The following ACOT7 variants were observed in gnomAD, a reference collection of about 807,000 sequenced individuals.
ACOT7 encodes the protein acyl-CoA thioesterase 7.
ACOT7 carries 12 observed loss-of-function variants against 40.2 expected under a neutral mutation model. That is an observed-to-expected ratio of 0.30 (90% CI 0.19 to 0.48). The LOEUF is 0.48. ACOT7 is among the 20% of genes least tolerant of loss of function. ACOT7 has a pLI of 0.99. For missense variants in ACOT7, 395 were observed against 530.8 expected (o/e 0.74, Z 2.51); for synonymous variants, 228 against 219.5 (o/e 1.04, Z -0.34).
At chr1:6,280,394 T>C (rs1639320928) in intron 8 of ACOT7, among the ~76,000 whole-genome samples, 1 of 152,246 alleles carries the variant, frequency 6.6e-6, no homozygotes, top group Non-Finnish European at 1.5e-5. Context: ...GCGCGAACCC[T>C]GTCGATGTCT....
At chr1:6,356,113 G>C (rs929269984) in intron 1 of ACOT7, among the ~76,000 whole-genome samples, 1 of 152,210 alleles carries the variant, frequency 6.6e-6, no homozygotes, top group African/African-American at 2.4e-5. Context: ...CCGTGCCTTA[G>C]GAAGGGCCCT....
At chr1:6,292,889 C>CTTT (rs973103642) in intron 7 of ACOT7, among the ~76,000 whole-genome samples, 6 of 125,098 alleles carry the variant, frequency 4.8e-5, no homozygotes, top group Non-Finnish European at 6.7e-5. Flanking sequence ...ATTTCTTTTT[C>CTTT]TTTTTTTTTT....
intron 5 of ACOT7, 142 bp downstream of exon 5, chr1:6,327,156 AC>A: frequency 1.2e-6 from 1 of 810,796 alleles, no homozygotes; most frequent in South Asian, 1.7e-5. Context: ...CTCCCTGGGG[AC>A]CCCAGAGAAA....
intron 1 of ACOT7, among the ~76,000 whole-genome samples, chr1:6,391,251 C>A (rs940484960): frequency 6.6e-6 from 1 of 150,500 alleles, no homozygotes; most frequent in Non-Finnish European, 1.5e-5. Flanking sequence ...GTAATCCCAG[C>A]ACTTTGGGAG....
At chr1:6,335,327 CAAAAAAAAA>C (rs58439931) in intron 3 of ACOT7, among the ~76,000 whole-genome samples, 43 of 58,334 alleles carry the variant, frequency 7.4e-4, no homozygotes, top group African/African-American at 2.4e-3. Flanking sequence ...AACTCTGCCT[CAAAAAAAAA>C]AAAAAAAAAA....
chr1:6,303,170 G>T (rs572476590), intron 6 of ACOT7, among the ~76,000 whole-genome samples: 1 of 151,994 alleles, frequency 6.6e-6, no homozygotes. Flanking sequence ...TTCCCCCACC[G>T]CAGGCACAAC....
At chr1:6,377,577 G>A (rs903243817) in intron 1 of ACOT7, among the ~76,000 whole-genome samples, 2 of 152,092 alleles carry the variant, frequency 1.3e-5, no homozygotes, top group Non-Finnish European at 2.9e-5. Flanking sequence ...GCTTTTATAA[G>A]GTACAAGACA....
chr1:6,347,069 G>A (rs938856261), intron 2 of ACOT7, among the ~76,000 whole-genome samples: 1 of 152,124 alleles, frequency 6.6e-6, no homozygotes, highest in Non-Finnish European at 1.5e-5. Flanking sequence ...ACAGAACCTT[G>A]GGACTTCCAG....
intron 6 of ACOT7, among the ~76,000 whole-genome samples, chr1:6,308,622 CACAACAGGCAGAAGGAACA>C (rs767272376): frequency 0.074 from 10,977 of 148,538 alleles, 674 homozygotes; most frequent in African/African-American, 0.15. Context: ...CAGAGGGAAC[CACAACAGGCAGAAGGAACA>C]GCAACAGGCA....
Position 6,393,429 on chromosome 1 carries a change from G to T in ACOT7, c.-30C>A, listed in dbSNP as rs1271662911. 49 of 1,206,224 alleles carry T rather than the reference G, an allele frequency of 4.1e-5. No individual in the cohort carries two copies. Among genetic ancestry groups the T allele is most frequent in the Admixed American group, 4.7e-5 (1 of 21,134 alleles). The allele number at this position is 1,206,224 out of a possible 1,614,324, so 74.7% of individuals were successfully genotyped here. ...GGGGAGGGCAGAGGTGGAGCGATGGGGCTGGTGAGGCGGGGCCTGCGCGCC... is the reference window on the plus strand; with the variant it reads ...GGGGAGGGCAGAGGTGGAGCGATGGTGCTGGTGAGGCGGGGCCTGCGCGCC... On this transcript the variant is annotated 5_prime_UTR_variant, in exon 1 of 9. Coordinates refer to ENST00000361521, the MANE Select transcript of ACOT7 (RefSeq NM_007274.4).
In ACOT7 at chr1:6,338,319, A is replaced by G. The variant is rs1450960045; in HGVS notation, c.418+1114T>C. Reference sequence around the variant, plus strand: ...ATGGCAGGGAACCCCCAAGGCCCCTAAAGTGGGGAACCCACCCAGCCCTGA... The same window carrying G: ...ATGGCAGGGAACCCCCAAGGCCCCTGAAGTGGGGAACCCACCCAGCCCTGA... On this transcript the variant is annotated intron_variant, in intron 3 of 8. Coordinates refer to ENST00000361521, the MANE Select transcript of ACOT7 (RefSeq NM_007274.4). The surrounding 1 kb of genome is among the most constrained non-coding windows in gnomAD (Gnocchi z 4.4). 6.6e-6 allele frequency among the ~76,000 whole-genome samples: 1 copy of G among 152,066 alleles called. No homozygotes were observed. The highest frequency in any genetic ancestry group is 1.5e-5 in the Non-Finnish European group (1 of 68,036).
intron 1 of ACOT7, among the ~76,000 whole-genome samples, chr1:6,378,982 G>A (rs146870752): frequency 0.07 from 10,650 of 151,526 alleles, 559 homozygotes; most frequent in African/African-American, 0.11. Context: ...TGCAAGCTCC[G>A]CCTCCCGGGT....
intron 1 of ACOT7, among the ~76,000 whole-genome samples, chr1:6,368,202 C>G (rs1254560819): frequency 3.3e-5 from 5 of 152,186 alleles, no homozygotes; most frequent in African/African-American, 1.2e-4. Context: ...GGACCAGACC[C>G]CTTCTACCCA....
chr1:6,349,111 C>G (rs1641516524), intron 2 of ACOT7, among the ~76,000 whole-genome samples: 2 of 152,202 alleles, frequency 1.3e-5, no homozygotes, highest in South Asian at 2.1e-4. Flanking sequence ...GTCCCCTCCC[C>G]AGGGCTGGGG....
intron 6 of ACOT7, among the ~76,000 whole-genome samples, chr1:6,315,753 TAAAAAAAA>T (rs61115908): frequency 2.9e-4 from 24 of 83,600 alleles, no homozygotes; most frequent in African/African-American, 8.5e-4. Flanking sequence ...AGACTCTGTC[TAAAAAAAA>T]AAAAAAAAAA....
intron 6 of ACOT7, among the ~76,000 whole-genome samples, chr1:6,302,925 G>A (rs1460066751): frequency 6.6e-6 from 1 of 152,210 alleles, no homozygotes; most frequent in Non-Finnish European, 1.5e-5. Context: ...TGTGTTAACT[G>A]AGAAAACTAA....
intron 3 of ACOT7, 26 bp from the exon 4 acceptor site, chr1:6,333,594 T>A (rs1641019613): frequency 1.2e-6 from 2 of 1,611,868 alleles, no homozygotes; most frequent in East Asian, 2.2e-5. Flanking sequence ...TCACATTAAG[T>A]GACGCCCGGG....
intron 1 of ACOT7, among the ~76,000 whole-genome samples, chr1:6,373,353 T>C (rs2148474925): frequency 6.6e-6 from 1 of 152,160 alleles, no homozygotes; most frequent in South Asian, 2.1e-4. Context: ...CAGGTTCAAG[T>C]GATTCTCCTG....
chr1:6,298,324 GGGGTTTCA>G (rs1639869817), intron 6 of ACOT7, among the ~76,000 whole-genome samples: 1 of 152,000 alleles, frequency 6.6e-6, no homozygotes. Context: ...TAGTGGAGTC[GGGGTTTCA>G]CCATGTTGAC....
Sources: allele counts gnomAD v4.1 joint callset (sites outside exome capture counted in the v4.1 genomes callset), GRCh38; gene constraint gnomAD v4.1.1; non-coding constraint Gnocchi (gnomAD v3.1); transcripts MANE v1.5; gene names NCBI Gene and HGNC (gene_info 2026-07-23, HGNC 2026-07-21).